RAB27B: variants seen among roughly 807,000 people sequenced by gnomAD.
RAB27B encodes RAB27B, member RAS oncogene family, also known as ras-related protein Rab-27B.
In RAB27B, 15 loss-of-function variants were observed where a neutral mutation model predicts 24.6. The ratio of observed to expected loss-of-function variants is 0.61; its 90% CI spans 0.41 to 0.94. The LOEUF (loss-of-function observed/expected upper bound fraction) is 0.94. Among genes scored for constraint, RAB27B ranks in the 40% least tolerant of loss-of-function variants. RAB27B has a pLI of 0.00. For synonymous variants in RAB27B, 105 were observed against 92.5 expected (o/e 1.14, Z -0.78); for missense variants, 261 against 266.8 (o/e 0.98, Z 0.15).
chr18:54,781,705 T>C (rs1460822947), intron 2 of RAB27B, among the ~76,000 whole-genome samples: 1 of 152,220 alleles, frequency 6.6e-6, no homozygotes, highest in Non-Finnish European at 1.5e-5. Flanking sequence ...ACTACATTTA[T>C]AGCATTGCAT....
At chr18:54,886,585 T>C (rs1279994416) in intron 4 of RAB27B, among the ~76,000 whole-genome samples, 4 of 152,164 alleles carry the variant, frequency 2.6e-5, no homozygotes, top group Non-Finnish European at 5.9e-5. Flanking sequence ...ATCTGTCCTT[T>C]ATTTCCATTT....
At chr18:54,880,349 A>C (rs1912874320) in intron 3 of RAB27B, 1 of 152,222 alleles carries the variant, frequency 6.6e-6, no homozygotes, top group Non-Finnish European at 1.5e-5. Flanking sequence ...AAAGTGCAAA[A>C]GACCCCAAGC....
chr18:54,864,499 T>A (rs975082647), intron 1 of RAB27B, among the ~76,000 whole-genome samples: 11 of 152,082 alleles, frequency 7.2e-5, no homozygotes, highest in African/African-American at 2.7e-4. Context: ...AGTTTTTATT[T>A]TTTTTTCTTT....
intron 1 of RAB27B, among the ~76,000 whole-genome samples, chr18:54,865,768 G>C (rs765340713): frequency 6.6e-6 from 1 of 152,178 alleles, no homozygotes; most frequent in Admixed American, 6.5e-5. Flanking sequence ...TGTTTCAGTG[G>C]ATACAGAAAT....
chr18:54,776,212 G>T (rs1306096829), intron 2 of RAB27B, among the ~76,000 whole-genome samples: 2 of 152,238 alleles, frequency 1.3e-5, no homozygotes, highest in East Asian at 3.8e-4. Flanking sequence ...TCCTGCTCAG[G>T]CAGGCAAAGC....
At chr18:54,815,924 A>G (rs531525401) in intron 2 of RAB27B, among the ~76,000 whole-genome samples, 8 of 152,294 alleles carry the variant, frequency 5.3e-5, no homozygotes, top group Non-Finnish European at 1.2e-4. Context: ...ATGCCTGGCC[A>G]GTATTATTAT....
At chr18:54,882,247 C>A (rs1219946091) in intron 3 of RAB27B, among the ~76,000 whole-genome samples, 2 of 152,114 alleles carry the variant, frequency 1.3e-5, no homozygotes, top group Admixed American at 6.6e-5. Context: ...TTCTCTGTTG[C>A]AGTCATTTAA....
At chr18:54,749,823 G>T (rs1045961547) in intron 2 of RAB27B, among the ~76,000 whole-genome samples, 1 of 152,092 alleles carries the variant, frequency 6.6e-6, no homozygotes, top group Non-Finnish European at 1.5e-5. Flanking sequence ...TGGGTGGGGG[G>T]TTGGTTGTTT....
chr18:54,819,053 T>C (rs1466441185), intron 2 of RAB27B, among the ~76,000 whole-genome samples: 2 of 151,454 alleles, frequency 1.3e-5, no homozygotes, highest in East Asian at 1.9e-4. Context: ...AACCTACTTA[T>C]TGTTTATGGC....
At chr18:54,817,078 A>G (rs1306333609) in intron 2 of RAB27B, among the ~76,000 whole-genome samples, 1 of 152,214 alleles carries the variant, frequency 6.6e-6, no homozygotes, top group Non-Finnish European at 1.5e-5. Context: ...TAAAAAAATC[A>G]AAGTTACTGA....
intron 3 of RAB27B, among the ~76,000 whole-genome samples, chr18:54,880,996 G>A (rs1161662334): frequency 6.6e-6 from 1 of 152,152 alleles, no homozygotes; most frequent in Non-Finnish European, 1.5e-5. Context: ...AATGGGTATT[G>A]ATAGAAGTCA....
At chr18:54,756,066 A>G (rs1445350404) in intron 2 of RAB27B, among the ~76,000 whole-genome samples, 1 of 152,202 alleles carries the variant, frequency 6.6e-6, no homozygotes, top group Non-Finnish European at 1.5e-5. Flanking sequence ...ACAAAAGTGA[A>G]AACATCTATC....
At chr18:54,763,773 C>T (rs1268204411) in intron 2 of RAB27B, among the ~76,000 whole-genome samples, 1 of 152,146 alleles carries the variant, frequency 6.6e-6, no homozygotes, top group Admixed American at 6.6e-5. Flanking sequence ...TGGGCACATC[C>T]ATTTTAAGTA....
At chr18:54,768,974 A>G (rs2145065729) in intron 2 of RAB27B, among the ~76,000 whole-genome samples, 1 of 152,240 alleles carries the variant, frequency 6.6e-6, no homozygotes, top group East Asian at 1.9e-4. Context: ...ATATCATTCC[A>G]CCAGGCCACT....
intron 1 of RAB27B, among the ~76,000 whole-genome samples, chr18:54,857,929 C>T (rs988567626): frequency 6.6e-6 from 1 of 152,210 alleles, no homozygotes; most frequent in East Asian, 1.9e-4. Flanking sequence ...TCAACAAGAG[C>T]ATCTTCTCTT....
chr18:54,816,398 A>G (rs900579186), intron 2 of RAB27B, among the ~76,000 whole-genome samples: 1 of 152,220 alleles, frequency 6.6e-6, no homozygotes, highest in Non-Finnish European at 1.5e-5. Context: ...AAAAACTTGT[A>G]TTTGTAGTAT....
At chr18:54,852,888 G>C (rs1911641311) in intron 1 of RAB27B, among the ~76,000 whole-genome samples, 1 of 152,118 alleles carries the variant, frequency 6.6e-6, no homozygotes, top group African/African-American at 2.4e-5. Context: ...CTTCCTTTAT[G>C]GATGTGTGTT....
chr18:54,769,566 C>G (rs563233218), intron 2 of RAB27B, among the ~76,000 whole-genome samples: 1 of 151,992 alleles, frequency 6.6e-6, no homozygotes, highest in East Asian at 1.9e-4. Flanking sequence ...AGCATATTTT[C>G]CCATACAAAA....
intron 3 of RAB27B, among the ~76,000 whole-genome samples, chr18:54,881,584 C>A (rs551788868): frequency 6.6e-6 from 1 of 152,244 alleles, no homozygotes; most frequent in Admixed American, 6.5e-5. Context: ...ATCTGCCATC[C>A]TGCAAACTCA....
Sources: gnomAD v4.1 joint callset for allele counts (sites outside exome capture counted in the v4.1 genomes callset) on GRCh38, gnomAD v4.1.1 for gene constraint, MANE v1.5 for transcripts, NCBI Gene and HGNC (gene_info 2026-07-23, HGNC 2026-07-21) for gene names.